Variants in IPP observed in about 807,000 individuals in gnomAD.
IPP encodes actin-binding protein IPP.
In IPP, 41 loss-of-function variants were observed where a neutral mutation model predicts 64.1. The observed-to-expected ratio is 0.64, with a 90% CI of 0.50 to 0.83. IPP has a LOEUF of 0.83. Among genes scored for constraint, IPP ranks in the 40% least tolerant of loss-of-function variants. IPP has a pLI of 0.00. For synonymous variants in IPP, 214 were observed against 235.2 expected, an observed-to-expected ratio of 0.91 and a Z score of 0.83; for missense variants, 649 against 703.0, an observed-to-expected ratio of 0.92 and a Z score of 0.87.
At chr1:45,722,275 AG>A (rs1645743694) in intron 5 of IPP, among the ~76,000 whole-genome samples, 2 of 150,858 alleles carry the variant, frequency 1.3e-5, no homozygotes, top group Admixed American at 6.6e-5. Context: ...ATAAAAATAC[AG>A]GGTGGTGGCT....
At chr1:45,703,479 T>C (rs1008416370) in intron 8 of IPP, among the ~76,000 whole-genome samples, 7 of 60,604 alleles carry the variant, frequency 1.2e-4, no homozygotes, top group African/African-American at 4.4e-4. Context: ...ATTTGTTCCC[T>C]GAAACACTTC....
At chr1:45,749,883 G>A (rs1055049927) in intron 1 of IPP, among the ~76,000 whole-genome samples, 16 of 151,880 alleles carry the variant, frequency 1.1e-4, no homozygotes, top group African/African-American at 9.7e-5. Context: ...GCCCCCCGCC[G>A]CAAAAAAAAT....
chr1:45,741,245 C>G lies in IPP; in HGVS notation c.380G>C (p.Cys127Ser). 6.2e-7 allele frequency: 1 copy of G among 1,614,092 alleles called. No homozygotes were observed. The change falls in exon 3 of 9, where the codon TGT (cysteine) becomes TCT (serine). Residue 127 changes from cysteine (C) to serine (S), a missense_variant. Transcript: ENST00000396478. ...ATCAATTTGTCCTTTCAGAAATTCA[C>G]AGCAAAGATGAACAACTTCAGTCAA... Reference protein sequence around the residue: ...LQLTEVVHLCCEFLKGQIDPL... With the variant: ...LQLTEVVHLCSEFLKGQIDPL...
intron 8 of IPP, among the ~76,000 whole-genome samples, chr1:45,707,173 C>CA (rs1645522401): frequency 6.6e-6 from 1 of 152,160 alleles, no homozygotes; most frequent in African/African-American, 2.4e-5. Context: ...CCTGTAATCC[C>CA]AGCACTTTCG....
chr1:45,747,119 AGCGC>A (rs552812489), intron 1 of IPP, among the ~76,000 whole-genome samples: 4 of 149,690 alleles, frequency 2.7e-5, no homozygotes, highest in East Asian at 4.1e-4. Context: ...CGCGCACACG[AGCGC>A]GCGCGCGCGC....
downstream of IPP, chr1:45,694,665 A>G (rs1645371608): frequency 7.1e-6 from 4 of 563,864 alleles, no homozygotes; most frequent in Admixed American, 1.4e-4. Context: ...CATGAGGGAA[A>G]GCCACATTCA....
At chr1:45,724,791 C>T (rs1264026573) in intron 5 of IPP, among the ~76,000 whole-genome samples, 6 of 151,706 alleles carry the variant, frequency 4.0e-5, no homozygotes, top group African/African-American at 1.5e-4. Flanking sequence ...GGCAGCCGCC[C>T]CTTCTGAGAA....
intron 8 of IPP, among the ~76,000 whole-genome samples, chr1:45,712,210 C>T (rs922360528): frequency 5.6e-4 from 84 of 149,464 alleles, no homozygotes; most frequent in African/African-American, 2.0e-3. Context: ...CCCAGCTACT[C>T]GGGAGGCTGA....
chr1:45,709,155 T>C (rs1381040930), intron 8 of IPP, among the ~76,000 whole-genome samples: 3 of 150,070 alleles, frequency 2.0e-5, no homozygotes, highest in African/African-American at 7.3e-5. Context: ...GCTCTTTGGC[T>C]GGGTGCGGTG....
chr1:45,699,989 CA>C lies in IPP; in HGVS notation c.1731del (p.Cys577TrpfsTer11), dbSNP rs760967146. 6.8e-6 allele frequency: 11 copies of C among 1,614,102 alleles called. No individual in the cohort carries two copies. The highest frequency in any genetic ancestry group is 9.3e-6 in the Non-Finnish European group (11 of 1,180,044). ...TTTCATAGCACAGCAACGCCCCCTT[CA>C]CAACGACTGGTGATCATGTTACCAA... is the stretch of plus-strand genomic sequence containing the variant. ...TEIGNMITSR[C>X]EGGVAVL On this transcript the variant is annotated frameshift_variant, in exon 9 of 9. Coordinates refer to ENST00000396478, the MANE Select transcript of IPP (RefSeq NM_005897.3). LOFTEE classifies it high-confidence loss of function.
At chr1:45,732,792 G>T (rs1428170334) in intron 3 of IPP, among the ~76,000 whole-genome samples, 1 of 151,720 alleles carries the variant, frequency 6.6e-6, no homozygotes. Context: ...TCAGCCTTCC[G>T]AGTAGCTAGG....
At chr1:45,744,059 G>GAACTTT (rs1646102305) in intron 2 of IPP, among the ~76,000 whole-genome samples, 1 of 150,072 alleles carries the variant, frequency 6.7e-6, no homozygotes, top group East Asian at 1.9e-4. Context: ...TGTGGAAAAA[G>GAACTTT]AACTTTAAGA....
intron 1 of IPP, among the ~76,000 whole-genome samples, chr1:45,749,487 ATTTTTTGTTTTTT>A (rs1367172623): frequency 1.5e-5 from 2 of 137,362 alleles, no homozygotes; most frequent in African/African-American, 2.7e-5. Context: ...GGATCGCTTG[ATTTTTTGTTTTTT>A]TTTTTTGTTT....
chr1:45,729,652 C>A lies in IPP; in HGVS notation c.842G>T (p.Arg281Leu). 6.2e-7 allele frequency: 1 copy of A among 1,613,194 alleles called. No homozygotes were observed. The highest frequency in any genetic ancestry group is 1.1e-5 in the South Asian group (1 of 90,908). ...FCSFLQTSKVRPRKKARKYLY... is the reference protein window; with the variant it reads ...FCSFLQTSKVLPRKKARKYLY... Reference sequence around the variant, plus strand: ...GTACTTTCTTGCTTTCTTCCGAGGTCGAACCTTAGATGTCTGCAGAAAACT... The same window carrying A: ...GTACTTTCTTGCTTTCTTCCGAGGTAGAACCTTAGATGTCTGCAGAAAACT... The change falls in exon 4 of 9, where the codon CGA becomes CTA. Residue 281 changes from arginine to leucine, a missense_variant. Physicochemically the swap from Arg to Leu is moderately radical, Grantham distance 102 (BLOSUM62 -2). Transcript: ENST00000396478.
chr1:45,739,822 ATC>A (rs1646035056), intron 3 of IPP, among the ~76,000 whole-genome samples: 1 of 146,332 alleles, frequency 6.8e-6, no homozygotes. Flanking sequence ...GCAAGAGGAA[ATC>A]TTTTTTTTTT....
At chr1:45,731,234 A>G (rs1403382426) in intron 3 of IPP, among the ~76,000 whole-genome samples, 1 of 152,012 alleles carries the variant, frequency 6.6e-6, no homozygotes, top group Non-Finnish European at 1.5e-5. Context: ...TGAGGCCAGG[A>G]GTTCAAGACC....
rs896167380 is a variant in IPP, at chr1:45,716,970, G to A, written c.1234C>T (p.Pro412Ser). Residue 412 changes from proline to serine, a missense_variant, in exon 7 of 9, where the codon CCT becomes TCT. Transcript: ENST00000396478. Reference sequence around the variant, plus strand: ...ACTACTTCCCATTTATTTTCATCAGGATCAAATCGTTCAATGGTGTTCCCT... The same window carrying A: ...ACTACTTCCCATTTATTTTCATCAGAATCAAATCGTTCAATGGTGTTCCCT... The part of the protein sequence containing the change: ...EIGNTIERFD[P>S]DENKWEVVGN... 1 of 1,612,866 alleles carries A rather than the reference G, an allele frequency of 6.2e-7. No individual in the cohort carries two copies. Among genetic ancestry groups the A allele is most frequent in the Non-Finnish European group, 8.5e-7 (1 of 1,179,096 alleles).
intron 3 of IPP, among the ~76,000 whole-genome samples, chr1:45,738,735 G>A (rs1449356647): frequency 6.6e-6 from 1 of 150,916 alleles, no homozygotes; most frequent in Non-Finnish European, 1.5e-5. Context: ...AGCTACTTGG[G>A]AGGCTGAGGC....
rs182244321 is a variant in IPP, at chr1:45,709,093, G to C, written c.1530+5153C>G. Among the ~76,000 whole-genome samples the C allele has an allele frequency of 9.8e-5, 14 of 142,384 alleles. No homozygotes were observed. The East Asian group carries it at 3.0e-3, about 30-fold the overall frequency. The allele number at this position is 142,384 out of a possible 152,430, so 93.4% of individuals were successfully genotyped here. A position where few individuals can be genotyped will look rare whatever the true frequency, so the allele number is the denominator to read the frequency against. The stretch of plus-strand genomic sequence containing the variant: ...CAGTTTCAGAAAATGAAAGCTAAGA[G>C]AAGTTCATCACCATCACCACCAGAC... On this transcript the variant is annotated intron_variant, in intron 8 of 8. Coordinates refer to ENST00000396478, the MANE Select transcript of IPP (RefSeq NM_005897.3).
Sources: allele counts gnomAD v4.1 joint callset (sites outside exome capture counted in the v4.1 genomes callset), GRCh38; gene constraint gnomAD v4.1.1; transcripts MANE v1.5; gene names NCBI Gene and HGNC (gene_info 2026-07-23, HGNC 2026-07-21).